The following STK32C variants were observed in gnomAD, a reference collection of about 807,000 sequenced individuals.
STK32C encodes the protein serine/threonine-protein kinase 32C.
In STK32C, 31 loss-of-function variants were observed where a neutral mutation model predicts 56.5. The observed-to-expected ratio is 0.55, with a 90% CI of 0.41 to 0.74. STK32C has a LOEUF of 0.74. Among genes scored for constraint, STK32C ranks in the 30% least tolerant of loss-of-function variants. STK32C has a pLI of 0.00. For missense variants in STK32C, 544 were observed against 676.9 expected (o/e 0.80, Z 2.18); for synonymous variants, 309 against 289.4 (o/e 1.07, Z -0.69).
chr10:132,241,426 C>T (rs1297225298), intron 2 of STK32C, among the ~76,000 whole-genome samples: 4 of 152,168 alleles, frequency 2.6e-5, no homozygotes, highest in Admixed American at 2.0e-4. Context: ...CATAGAATAA[C>T]CATAGGAACG....
chr10:132,253,747 C>T (rs538227363), intron 1 of STK32C, among the ~76,000 whole-genome samples: 3 of 152,354 alleles, frequency 2.0e-5, no homozygotes, highest in East Asian at 3.9e-4. Flanking sequence ...CGGCTCGAGG[C>T]GAGAGATGGC....
rs1357338740 is a variant in STK32C at position 132,255,148 on chromosome 10, G to A, written c.263-9193C>T. ...CACACGCAGAAGTTGATTAAATGCCGTCTCGTCTCCTATGACCTGGGAAGT... is the reference window on the plus strand; with the variant it reads ...CACACGCAGAAGTTGATTAAATGCCATCTCGTCTCCTATGACCTGGGAAGT... On this transcript the variant is annotated intron_variant, in intron 1 of 11. Coordinates refer to ENST00000298630, the MANE Select transcript of STK32C (RefSeq NM_173575.4). This position sits in a 1 kb window ranked among gnomAD's most constrained non-coding sequence, Gnocchi z 4.6. 5.3e-5 allele frequency among the ~76,000 whole-genome samples: 8 copies of A among 152,294 alleles called. No individual in the cohort carries two copies. The highest frequency in any genetic ancestry group is 3.9e-4 in the East Asian group (2 of 5,192).
Position 132,256,969 on chromosome 10 carries a change from G to T in STK32C, c.263-11014C>A, listed in dbSNP as rs904988139. ...CCACAGCAGCAGCAGCACTGGATGA[G>T]GGGGAGCGAGCCCAGTGGGATCCCA... On this transcript the variant is annotated intron_variant, in intron 1 of 11. Coordinates refer to ENST00000298630, the MANE Select transcript of STK32C (RefSeq NM_173575.4). Among the ~76,000 whole-genome samples the T allele has an allele frequency of 2.6e-5, 4 of 152,336 alleles. No individual in the cohort carries two copies. In the East Asian group the frequency reaches 5.8e-4, roughly 22 times the overall value.
At chr10:132,236,459 C>A (rs1039204604) in intron 2 of STK32C, among the ~76,000 whole-genome samples, 13 of 152,238 alleles carry the variant, frequency 8.5e-5, no homozygotes, top group African/African-American at 3.1e-4. Flanking sequence ...GCCCCACACA[C>A]ACTGGGCAGC....
chr10:132,268,796 C>CGT (rs765716979), intron 1 of STK32C, among the ~76,000 whole-genome samples: 9 of 95,052 alleles, frequency 9.5e-5, no homozygotes, highest in East Asian at 7.0e-4. Context: ...TGTCCCACAT[C>CGT]GTGTGTGTGT....
chr10:132,288,630 A>G (rs1307284899), intron 1 of STK32C, among the ~76,000 whole-genome samples: 2 of 152,250 alleles, frequency 1.3e-5, no homozygotes, highest in Non-Finnish European at 2.9e-5. Context: ...GACTTCAATA[A>G]AACTGATATT....
chr10:132,293,216 T>C (rs908242543), intron 1 of STK32C, among the ~76,000 whole-genome samples: 5 of 151,942 alleles, frequency 3.3e-5, no homozygotes, highest in African/African-American at 9.7e-5. Flanking sequence ...GAGAGGAGGA[T>C]GGAGTGGCCA....
intron 1 of STK32C, among the ~76,000 whole-genome samples, chr10:132,289,351 C>G (rs553106412): frequency 6.6e-5 from 10 of 152,242 alleles, no homozygotes; most frequent in African/African-American, 2.2e-4. Flanking sequence ...CAAAAGAGAC[C>G]GCTGAGAAAA....
At chr10:132,242,629 C>T (rs1382791680) in intron 2 of STK32C, among the ~76,000 whole-genome samples, 2 of 152,306 alleles carry the variant, frequency 1.3e-5, no homozygotes, top group East Asian at 3.9e-4. Flanking sequence ...TGTAGTCTCC[C>T]CAAAAGCTGT....
intron 1 of STK32C, among the ~76,000 whole-genome samples, chr10:132,325,434 T>C (rs554059009): frequency 2.1e-4 from 32 of 151,668 alleles, no homozygotes; most frequent in African/African-American, 7.7e-4. Context: ...GTGCCTGTAG[T>C]CCCAGCTACT....
At chr10:132,262,770 A>AC (rs1465845234) in intron 1 of STK32C, among the ~76,000 whole-genome samples, 4 of 151,766 alleles carry the variant, frequency 2.6e-5, no homozygotes, top group Admixed American at 6.6e-5. Context: ...AAAAAAAAAA[A>AC]AAACAGGTAA....
intron 1 of STK32C, among the ~76,000 whole-genome samples, chr10:132,282,903 G>A (rs373353079): frequency 1.3e-5 from 2 of 152,254 alleles, no homozygotes; most frequent in African/African-American, 2.4e-5. Flanking sequence ...GTCAGGAGGC[G>A]GTGGGGGGTG....
intron 1 of STK32C, among the ~76,000 whole-genome samples, chr10:132,330,759 C>T (rs1043712214): frequency 6.6e-6 from 1 of 150,702 alleles, no homozygotes; most frequent in Non-Finnish European, 1.5e-5. Flanking sequence ...ATCTTCCCAC[C>T]CTGGCCTCCC....
intron 10 of STK32C, among the ~76,000 whole-genome samples, chr10:132,220,495 T>A (rs572745115): frequency 6.6e-6 from 1 of 152,272 alleles, no homozygotes; most frequent in Non-Finnish European, 1.5e-5. Flanking sequence ...ACGAACCACG[T>A]CCACATTGGG....
In STK32C at chr10:132,257,158, G is replaced by A. The variant is rs575655413; in HGVS notation, c.263-11203C>T. On this transcript the variant is annotated intron_variant, in intron 1 of 11. Coordinates refer to ENST00000298630, the MANE Select transcript of STK32C (RefSeq NM_173575.4). ...CATGAGGCTGGGTCCTCAGGGGGGT[G>A]AGGCCTGTGGATACAGGACATGCCC... Among the ~76,000 whole-genome samples the A allele has an allele frequency of 3.9e-5, 6 of 152,266 alleles. No individual in the cohort carries two copies. The South Asian group carries it at 1.2e-3, about 32-fold the overall frequency.
chr10:132,267,002 G>C (rs2064560109), intron 1 of STK32C, among the ~76,000 whole-genome samples: 1 of 152,146 alleles, frequency 6.6e-6, no homozygotes, highest in South Asian at 2.1e-4. Flanking sequence ...TTGGGAGCTC[G>C]GCCGTCACTG....
intron 1 of STK32C, among the ~76,000 whole-genome samples, chr10:132,251,559 AG>A (rs994446821): frequency 2.9e-4 from 44 of 152,218 alleles, no homozygotes; most frequent in Non-Finnish European, 2.6e-4. Context: ...CCCCACACTC[AG>A]CCCCTCAGGA....
At chr10:132,310,775 A>G (rs952469830), upstream of STK32C, among the ~76,000 whole-genome samples, 3 of 152,230 alleles carry the variant, frequency 2.0e-5, no homozygotes, top group Admixed American at 6.5e-5. The surrounding 1 kb of genome is among the most constrained non-coding windows in gnomAD (Gnocchi z 4.6). Flanking sequence ...AGGAAGGCAC[A>G]TGGCTGGGCA....
intron 1 of STK32C, among the ~76,000 whole-genome samples, chr10:132,301,439 C>T (rs1425451742): frequency 2.0e-5 from 3 of 152,170 alleles, no homozygotes; most frequent in Non-Finnish European, 4.4e-5. Context: ...GCCTGGAACC[C>T]GGGTTCCTCC....
Sources: gnomAD v4.1 joint callset for allele counts (sites outside exome capture counted in the v4.1 genomes callset) on GRCh38, gnomAD v4.1.1 for gene constraint, Gnocchi (gnomAD v3.1) non-coding constraint, MANE v1.5 for transcripts, NCBI Gene and HGNC (gene_info 2026-07-23, HGNC 2026-07-21) for gene names.